UCP1: variants seen among roughly 807,000 people sequenced by gnomAD.
UCP1 encodes mitochondrial brown fat uncoupling protein 1.
UCP1 carries 24 observed loss-of-function variants against 26.2 expected under a neutral mutation model. The ratio of observed to expected loss-of-function variants is 0.92; its 90% CI spans 0.66 to 1.29. The LOEUF is 1.29. UCP1 is among the 50% of genes most tolerant of loss of function. UCP1 has a pLI of 0.00. For synonymous variants in UCP1, 164 were observed against 156.8 expected (o/e 1.05, Z -0.34); for missense variants, 402 against 388.7 (o/e 1.03, Z -0.29).
Position 140,560,027 on chromosome 4 carries a change from C to A in UCP1, c.810-17G>T. 1 of 1,570,982 alleles carries A rather than the reference C, an allele frequency of 6.4e-7. No homozygotes were observed. Among genetic ancestry groups the A allele is most frequent in the South Asian group, 1.1e-5 (1 of 90,116 alleles). On this transcript the variant is annotated splice_polypyrimidine_tract_variant and intron_variant, in intron 5 of 5. Transcript: ENST00000262999. ...GGTACCAACCTAGAAAAGTGCATGT[C>A]ATCGTTCGATTAATTTGTTTGATTT...
chr4:140,568,943 C>G lies in UCP1; in HGVS notation c.-214G>C. On this transcript the variant is annotated 5_prime_UTR_variant, in exon 1 of 6. Transcript: ENST00000262999. ...CCCCGCGTCCCCTCCTACCCACCCT[C>G]GCGCCAGCAGGACCCTCTGCGTTCC... 1 of 667,486 alleles carries G rather than the reference C, an allele frequency of 1.5e-6. No homozygotes were observed. Among genetic ancestry groups the G allele is most frequent in the Non-Finnish European group, 2.5e-6 (1 of 398,674 alleles). The allele number at this position is 667,486 out of a possible 1,614,324, so 41.3% of individuals were successfully genotyped here.
chr4:140,567,055 A>T (rs962179175), intron 2 of UCP1, among the ~76,000 whole-genome samples: 1 of 152,172 alleles, frequency 6.6e-6, no homozygotes, highest in African/African-American at 2.4e-5. Flanking sequence ...TCCAGTTATA[A>T]TGTATCTGAA....
At chr4:140,568,366 T>G (rs567743945) in intron 1 of UCP1, among the ~76,000 whole-genome samples, 1 of 152,152 alleles carries the variant, frequency 6.6e-6, no homozygotes, top group Non-Finnish European at 1.5e-5. Context: ...TTGGGAGAAT[T>G]TGGTAGTAGT....
chr4:140,567,890 T>C lies in UCP1; in HGVS notation c.214A>G (p.Met72Val), dbSNP rs1735836117. ...ITAVVKTEGR[M>V]KLYSGLPAGL... ...GCAGGCAGCCCGCTGTAGAGTTTCATCCGCCCTTCTGTTTTTACCACAGCG... is the reference window on the plus strand; with the variant it reads ...GCAGGCAGCCCGCTGTAGAGTTTCACCCGCCCTTCTGTTTTTACCACAGCG... The change falls in exon 2 of 6, where the codon ATG becomes GTG. Residue 72 changes from methionine (M) to valine (V), a missense_variant. By Grantham distance (21) the Met-to-Val change is conservative. Transcript: ENST00000262999. The C allele has an allele frequency of 1.9e-6, 3 of 1,614,054 alleles. No individual in the cohort carries two copies. The highest frequency in any genetic ancestry group is 2.7e-5 in the African/African-American group (2 of 74,928).
Position 140,563,367 on chromosome 4 carries a change from A to C in UCP1, c.477T>G (p.Asn159Lys). ...CGGTTGTTGCTATTATTCTGTACGCATTATAAGTCCCCGTGTAGCGAGGTT... is the reference window on the plus strand; with the variant it reads ...CGGTTGTTGCTATTATTCTGTACGCCTTATAAGTCCCCGTGTAGCGAGGTT... ...GIKPRYTGTY[N>K]AYRIIATTEG... Residue 159 changes from asparagine (N) to lysine (K), a missense_variant, in exon 3 of 6, where the codon AAT (asparagine) becomes AAG (lysine). By Grantham distance (94) the Asn-to-Lys change is moderately conservative. Transcript: ENST00000262999. 6.2e-7 allele frequency: 1 copy of C among 1,614,132 alleles called. No individual in the cohort carries two copies. The highest frequency in any genetic ancestry group is 8.5e-7 in the Non-Finnish European group (1 of 1,180,030).
chr4:140,560,835 C>A (rs988174909), intron 5 of UCP1, among the ~76,000 whole-genome samples: 1 of 152,052 alleles, frequency 6.6e-6, no homozygotes, highest in Admixed American at 6.5e-5. Context: ...ATCTCTAGAA[C>A]CTTTTTGTCA....
Position 140,567,865 on chromosome 4 carries a change from G to C in UCP1, c.239C>G (p.Ala80Gly), listed in dbSNP as rs146094549. ...GRMKLYSGLPAGLQRQISSAS... is the reference protein window; with the variant it reads ...GRMKLYSGLPGGLQRQISSAS... ...GGAGCTGATTTGCCGCTGAAGCCCCGCAGGCAGCCCGCTGTAGAGTTTCAT... is the reference window on the plus strand; with the variant it reads ...GGAGCTGATTTGCCGCTGAAGCCCCCCAGGCAGCCCGCTGTAGAGTTTCAT... Residue 80 changes from alanine to glycine, a missense_variant, in exon 2 of 6, where the codon GCG becomes GGG. By Grantham distance (60) the Ala-to-Gly change is moderately conservative (BLOSUM62 0). Coordinates refer to ENST00000262999, the MANE Select transcript of UCP1 (RefSeq NM_021833.5). 1 of 1,614,012 alleles carries C rather than the reference G, an allele frequency of 6.2e-7. No homozygotes were observed. Among genetic ancestry groups the C allele is most frequent in the African/African-American group, 1.3e-5 (1 of 74,896 alleles).
intron 5 of UCP1, among the ~76,000 whole-genome samples, chr4:140,560,744 G>C (rs2110904877): frequency 8.5e-6 from 1 of 117,078 alleles, no homozygotes; most frequent in Non-Finnish European, 1.6e-5. Context: ...GGGGTATTTT[G>C]CTGCAAAAAA....
chr4:140,564,902 T>C (rs1735764619), intron 2 of UCP1, among the ~76,000 whole-genome samples: 2 of 152,210 alleles, frequency 1.3e-5, no homozygotes, highest in African/African-American at 4.8e-5. Flanking sequence ...ATATTGTTTG[T>C]CTTTACTTCT....
In UCP1 at chr4:140,567,901, G is replaced by T. The variant is rs1217291981; in HGVS notation, c.203C>A (p.Thr68Lys). The T allele has an allele frequency of 6.2e-7, 1 of 1,614,152 alleles. No homozygotes were observed. Among genetic ancestry groups the T allele is most frequent in the Non-Finnish European group, 8.5e-7 (1 of 1,180,016 alleles). The change falls in exon 2 of 6, where the codon ACA (threonine) becomes AAA (lysine). Residue 68 changes from threonine (T) to lysine (K), a missense_variant. Thr to Lys is a moderately conservative substitution (Grantham distance 78). Transcript: ENST00000262999. ...VLGTITAVVK[T>K]EGRMKLYSGL... ...GCTGTAGAGTTTCATCCGCCCTTCT[G>T]TTTTTACCACAGCGGTGATTGTTCC... is the stretch of plus-strand genomic sequence containing the variant.
At position 140,563,124 on chromosome 4, in the gene UCP1, T is replaced by C. The variant is rs1361324588; in HGVS notation, c.614A>G (p.Asn205Ser). 6.2e-7 allele frequency: 1 copy of C among 1,613,702 alleles called. No individual in the cohort carries two copies. Among genetic ancestry groups the C allele is most frequent in the Admixed American group, 1.7e-5 (1 of 60,018 alleles). ...YDLMKEAFVK[N>S]NILADDVPCH... Reference sequence around the variant, plus strand: ...TGGGAAGTTACCTGCTAATATGTTGTTTTTCACAAAGGCCTCCTTCATTAG... The same window carrying C: ...TGGGAAGTTACCTGCTAATATGTTGCTTTTCACAAAGGCCTCCTTCATTAG... Residue 205 changes from asparagine to serine, a missense_variant, in exon 4 of 6, where the codon AAC becomes AGC. Physicochemically the swap from Asn to Ser is conservative, Grantham distance 46. Coordinates refer to ENST00000262999, the MANE Select transcript of UCP1 (RefSeq NM_021833.5).
chr4:140,561,224 A>G (rs1735670735), intron 5 of UCP1, among the ~76,000 whole-genome samples: 1 of 152,248 alleles, frequency 6.6e-6, no homozygotes, highest in Non-Finnish European at 1.5e-5. Context: ...TGATGCATTC[A>G]TGCTTAATTT....
chr4:140,559,672 T>C lies in UCP1; in HGVS notation c.*224A>G, dbSNP rs1331150995. On this transcript the variant is annotated 3_prime_UTR_variant, in exon 6 of 6. Transcript: ENST00000262999. The stretch of plus-strand genomic sequence containing the variant: ...CTTATCTGCATTACATTTGCCAGGG[T>C]ATATGCTGAATGTTTTGCTTTCCCC... 5.4e-6 allele frequency: 3 copies of C among 559,244 alleles called. No homozygotes were observed. Among genetic ancestry groups the C allele is most frequent in the African/African-American group, 3.8e-5 (2 of 52,800 alleles). The allele number at this position is 559,244 out of a possible 1,614,324, so 34.6% of individuals were successfully genotyped here. A position where few individuals can be genotyped will look rare whatever the true frequency, so the allele number is the denominator to read the frequency against.
At chr4:140,562,469 G>T in intron 4 of UCP1, 96 bp from the exon 5 acceptor site, 1 of 1,236,430 alleles carries the variant, frequency 8.1e-7, no homozygotes. Flanking sequence ...ATAACAGTAG[G>T]TCAATGAAGA....
chr4:140,559,657 T>A lies in UCP1; in HGVS notation c.*239A>T, dbSNP rs1241663144. On this transcript the variant is annotated 3_prime_UTR_variant, in exon 6 of 6. Transcript: ENST00000262999. Reference sequence around the variant, plus strand: ...GGTCAAATGCAGTAGCTTATCTGCATTACATTTGCCAGGGTATATGCTGAA... The same window carrying A: ...GGTCAAATGCAGTAGCTTATCTGCAATACATTTGCCAGGGTATATGCTGAA... 9 of 524,362 alleles carry A rather than the reference T, an allele frequency of 1.7e-5. No homozygotes were observed. The Admixed American group carries it at 3.0e-4, about 17-fold the overall frequency. 32.5% of individuals were successfully genotyped at this position (524,362 alleles called of 1,614,324 possible). A position where few individuals can be genotyped will look rare whatever the true frequency, so the allele number is the denominator to read the frequency against.
chr4:140,566,326 C>T (rs1158847081), intron 2 of UCP1, among the ~76,000 whole-genome samples: 2 of 152,192 alleles, frequency 1.3e-5, no homozygotes, highest in Non-Finnish European at 2.9e-5. Context: ...TAGTTACTGG[C>T]ACATGGCAGT....
Position 140,563,138 on chromosome 4 carries a change from C to A in UCP1, c.600G>T (p.Glu200Asp), listed in dbSNP as rs138611550. 6.8e-5 allele frequency: 110 copies of A among 1,612,038 alleles called. No homozygotes were observed. The East Asian group carries it at 2.0e-3, about 30-fold the overall frequency. The change falls in exon 4 of 6, where the codon GAG becomes GAT. Residue 200 changes from glutamate (E) to aspartate (D), a missense_variant. Coordinates refer to ENST00000262999, the MANE Select transcript of UCP1 (RefSeq NM_021833.5). ...TELVTYDLMK[E>D]AFVKNNILAD... The stretch of plus-strand genomic sequence containing the variant: ...CTAATATGTTGTTTTTCACAAAGGC[C>A]TCCTTCATTAGATCATATGTTACTA...
At position 140,563,114 on chromosome 4, in the gene UCP1, T is replaced by C; in HGVS notation, c.624A>G (p.Leu208=). The C allele has an allele frequency of 6.2e-7, 1 of 1,613,020 alleles. No homozygotes were observed. The highest frequency in any genetic ancestry group is 1.1e-5 in the South Asian group (1 of 91,070). ...MKEAFVKNNI[L]ADDVPCHLVS... ...TTATATGAAATGGGAAGTTACCTGC[T>C]AATATGTTGTTTTTCACAAAGGCCT... The change falls in exon 4 of 6, where the codon TTA becomes TTG. Residue 208 remains leucine, a synonymous_variant. Coordinates refer to ENST00000262999, the MANE Select transcript of UCP1 (RefSeq NM_021833.5).
In UCP1 at chr4:140,568,922, G is replaced by A. The variant is rs1234433706; in HGVS notation, c.-193C>T. 2 of 758,552 alleles carry A rather than the reference G, an allele frequency of 2.6e-6. No individual in the cohort carries two copies. Among genetic ancestry groups the A allele is most frequent in the Admixed American group, 2.7e-5 (1 of 37,122 alleles). 47.0% of individuals were successfully genotyped at this position (758,552 alleles called of 1,614,324 possible). A position where few individuals can be genotyped will look rare whatever the true frequency, so the allele number is the denominator to read the frequency against. On this transcript the variant is annotated 5_prime_UTR_variant, in exon 1 of 6. Transcript: ENST00000262999. ...GCGCGGTGTTGGGGGCCGAGTCCCC[G>A]CGTCCCCTCCTACCCACCCTCGCGC...
Sources: allele counts gnomAD v4.1 joint callset (sites outside exome capture counted in the v4.1 genomes callset), GRCh38; gene constraint gnomAD v4.1.1; transcripts MANE v1.5; gene names NCBI Gene and HGNC (gene_info 2026-07-23, HGNC 2026-07-21).